ATP6V1C2: variants seen among roughly 807,000 people sequenced by gnomAD.
ATP6V1C2 encodes the protein V-type proton ATPase subunit C 2.
A neutral mutation model predicts 56.8 loss-of-function variants in ATP6V1C2; 45 were observed. The observed-to-expected ratio is 0.79, with a 90% CI of 0.62 to 1.02. The LOEUF (loss-of-function observed/expected upper bound fraction) is 1.02, where lower values mean the gene tolerates loss of function less well. Ranked by LOEUF, ATP6V1C2 falls within the 50% of genes least tolerant of loss-of-function variation. ATP6V1C2 has a pLI of 0.00. For synonymous variants in ATP6V1C2, 220 were observed against 201.3 expected (o/e 1.09, Z -0.79); for missense variants, 463 against 519.7 (o/e 0.89, Z 1.06).
chr2:10,733,222 C>T (rs2148418744), intron 3 of ATP6V1C2, among the ~76,000 whole-genome samples: 1 of 152,172 alleles, frequency 6.6e-6, no homozygotes, highest in South Asian at 2.1e-4. Context: ...TTTTTCTAGT[C>T]CAGGGGTCAG....
At chr2:10,729,553 G>A (rs1056555924) in intron 3 of ATP6V1C2, among the ~76,000 whole-genome samples, 8 of 152,118 alleles carry the variant, frequency 5.3e-5, no homozygotes, top group Non-Finnish European at 1.0e-4. Flanking sequence ...TCTGGATAAC[G>A]TAGTAATAGA....
At chr2:10,773,376 C>T (rs1664754189) in intron 8 of ATP6V1C2, among the ~76,000 whole-genome samples, 1 of 152,114 alleles carries the variant, frequency 6.6e-6, no homozygotes, top group African/African-American at 2.4e-5. Context: ...GTGGCTGATC[C>T]AAAGCTGCGC....
intron 2 of ATP6V1C2, among the ~76,000 whole-genome samples, chr2:10,724,331 T>C (rs1271232838): frequency 6.6e-6 from 1 of 152,216 alleles, no homozygotes; most frequent in African/African-American, 2.4e-5. Context: ...AGCAAAGAGC[T>C]GACGGCTAGA....
intron 4 of ATP6V1C2, among the ~76,000 whole-genome samples, chr2:10,755,278 C>T (rs1041673359): frequency 1.8e-4 from 28 of 151,738 alleles, no homozygotes; most frequent in Admixed American, 1.5e-3. Flanking sequence ...TCAGGTGATC[C>T]GCCCGCCCTG....
intron 8 of ATP6V1C2, among the ~76,000 whole-genome samples, chr2:10,772,865 C>T (rs1664717232): frequency 6.6e-6 from 1 of 152,248 alleles, no homozygotes; most frequent in Admixed American, 6.5e-5. Flanking sequence ...GGCCGAGCAG[C>T]CTCTCCACGC....
At chr2:10,727,707 T>C (rs1334422635) in intron 3 of ATP6V1C2, among the ~76,000 whole-genome samples, 3 of 152,094 alleles carry the variant, frequency 2.0e-5, no homozygotes, top group African/African-American at 7.2e-5. Context: ...GAGACCAGCC[T>C]GGCCAAGACG....
chr2:10,759,346 G>A (rs1296238355), intron 4 of ATP6V1C2, among the ~76,000 whole-genome samples: 1 of 152,184 alleles, frequency 6.6e-6, no homozygotes, highest in Non-Finnish European at 1.5e-5. Flanking sequence ...CCTGGGCCCT[G>A]GAATGCCCAC....
chr2:10,784,235 G>A lies in ATP6V1C2; in HGVS notation c.*972G>A. On this transcript the variant is annotated 3_prime_UTR_variant, in exon 14 of 14. Transcript: ENST00000272238. ...CACTGGCTCCCAAGAAAAGAAAATGGTCTGAAGCCTCTGTTGTGGCTCTCA... is the reference window on the plus strand; with the variant it reads ...CACTGGCTCCCAAGAAAAGAAAATGATCTGAAGCCTCTGTTGTGGCTCTCA... The A allele has an allele frequency of 6.3e-7, 1 of 1,595,300 alleles. No homozygotes were observed. Among genetic ancestry groups the A allele is most frequent in the Non-Finnish European group, 8.6e-7 (1 of 1,166,302 alleles).
At chr2:10,764,209 G>A (rs778367570) in intron 4 of ATP6V1C2, 122 bp from the exon 5 acceptor site, 22 of 808,178 alleles carry the variant, frequency 2.7e-5, no homozygotes, top group South Asian at 9.6e-5. Flanking sequence ...GTGCCTGCCC[G>A]CCGGCGTTGC....
rs1662922316 is a variant in ATP6V1C2 at position 10,746,462 on chromosome 2, G to A, written c.198-7519G>A. 2.0e-5 allele frequency among the ~76,000 whole-genome samples: 3 copies of A among 147,680 alleles called. No individual in the cohort carries two copies. The South Asian group carries it at 6.4e-4, about 32-fold the overall frequency. On this transcript the variant is annotated intron_variant, in intron 3 of 13. Transcript: ENST00000272238. ...GAGTCTCCCTCTGTCACCCATGCTG[G>A]AATGCAGGGGCCCAATCTCAGTCCA... is the stretch of plus-strand genomic sequence containing the variant.
Position 10,783,514 on chromosome 2 carries a change from A to G in ATP6V1C2, c.*251A>G, listed in dbSNP as rs562708971. ...ACATAAATGCGAACTACCTGTTCGC[A>G]TTGGTAACCTGCTGCTGTATTTCAT... On this transcript the variant is annotated 3_prime_UTR_variant, in exon 14 of 14. Coordinates refer to ENST00000272238, the MANE Select transcript of ATP6V1C2 (RefSeq NM_001039362.2). The G allele has an allele frequency of 8.0e-6, 3 of 376,118 alleles. No homozygotes were observed. Among genetic ancestry groups the G allele is most frequent in the African/African-American group, 2.1e-5 (1 of 47,778 alleles). 23.3% of individuals were successfully genotyped at this position (376,118 alleles called of 1,614,324 possible).
chr2:10,722,285 C>T (rs1442979420), intron 1 of ATP6V1C2, among the ~76,000 whole-genome samples: 1 of 152,128 alleles, frequency 6.6e-6, no homozygotes, highest in Non-Finnish European at 1.5e-5. Context: ...TTAGTAGTTC[C>T]CCTCACCCCC....
In ATP6V1C2 at chr2:10,753,532, A is replaced by AT. The variant is rs540952695; in HGVS notation, c.198-432dup. Among the ~76,000 whole-genome samples, 957 of 136,924 alleles carry AT rather than the reference A, an allele frequency of 7.0e-3. 6 individuals are homozygous for AT. Among genetic ancestry groups the AT allele is most frequent in the African/African-American group, 0.017 (634 of 37,502 alleles). The allele number at this position is 136,924 out of a possible 152,430, so 89.8% of individuals were successfully genotyped here. A position where few individuals can be genotyped will look rare whatever the true frequency, so the allele number is the denominator to read the frequency against. On this transcript the variant is annotated intron_variant, in intron 3 of 13. Coordinates refer to ENST00000272238, the MANE Select transcript of ATP6V1C2 (RefSeq NM_001039362.2). ...AATTACTGGTTCAAAGGCTATTAGC[A>AT]TTTTTTTTTTTTTTTTTGAGACGGG... is the stretch of plus-strand genomic sequence containing the variant.
At position 10,784,475 on chromosome 2, in the gene ATP6V1C2, C is replaced by T. The variant is rs1665603256; in HGVS notation, c.*1212C>T. The stretch of plus-strand genomic sequence containing the variant: ...TCTGACTCCTACCCTGACCTTCGTA[C>T]CTATGATTATACGGATGGAAAAGCT... On this transcript the variant is annotated 3_prime_UTR_variant, in exon 14 of 14. Transcript: ENST00000272238. 8.6e-6 allele frequency: 5 copies of T among 584,286 alleles called. No homozygotes were observed. Among genetic ancestry groups the T allele is most frequent in the South Asian group, 2.3e-5 (1 of 42,620 alleles). 36.2% of individuals were successfully genotyped at this position (584,286 alleles called of 1,614,324 possible).
At chr2:10,775,936 G>A (rs1664935671) in intron 10 of ATP6V1C2, among the ~76,000 whole-genome samples, 1 of 152,202 alleles carries the variant, frequency 6.6e-6, no homozygotes, top group Non-Finnish European at 1.5e-5. Context: ...GAAAGTCACT[G>A]TGTGAACACA....
At chr2:10,764,205 G>C in intron 4 of ATP6V1C2, 126 bp from the exon 5 acceptor site, 1 of 778,044 alleles carries the variant, frequency 1.3e-6, no homozygotes, top group Non-Finnish European at 2.2e-6. Flanking sequence ...CCCTGTGCCT[G>C]CCCGCCGGCG....
intron 10 of ATP6V1C2, 107 bp downstream of exon 10, chr2:10,775,178 C>A: frequency 2.4e-6 from 2 of 849,096 alleles, no homozygotes; most frequent in Non-Finnish European, 3.9e-6. Flanking sequence ...TGTCCCCAGG[C>A]TCCTGGGCTC....
At chr2:10,759,374 G>A (rs1048106473) in intron 4 of ATP6V1C2, among the ~76,000 whole-genome samples, 11 of 152,212 alleles carry the variant, frequency 7.2e-5, no homozygotes, top group Admixed American at 6.5e-4. Flanking sequence ...AGAAACCCTC[G>A]AGGCTTGTCT....
At chr2:10,726,034 C>T (rs992745976) in intron 2 of ATP6V1C2, among the ~76,000 whole-genome samples, 25 of 152,030 alleles carry the variant, frequency 1.6e-4, no homozygotes, top group African/African-American at 6.0e-4. Flanking sequence ...GAGCCGAGAT[C>T]GTGCCATTTC....
Sources: gnomAD v4.1 joint callset for allele counts (sites outside exome capture counted in the v4.1 genomes callset) on GRCh38, gnomAD v4.1.1 for gene constraint, MANE v1.5 for transcripts, NCBI Gene and HGNC (gene_info 2026-07-23, HGNC 2026-07-21) for gene names.